Variants in SELENBP1 observed in about 807,000 individuals in gnomAD.
SELENBP1 encodes the protein methanethiol oxidase.
Under a neutral mutation model 61.0 loss-of-function variants are expected in SELENBP1, and 71 were observed. That is an observed-to-expected ratio of 1.16 (90% CI 0.96 to 1.42). The LOEUF (loss-of-function observed/expected upper bound fraction) is 1.42. Among genes scored for constraint, SELENBP1 ranks in the 40% most tolerant of loss-of-function variants. The pLI is 0.00. For synonymous variants in SELENBP1, 270 were observed against 238.9 expected (o/e 1.13, Z -1.20); for missense variants, 561 against 605.0 (o/e 0.93, Z 0.76).
Position 151,369,481 on chromosome 1 carries a change from G to A in SELENBP1, c.135C>T (p.Ala45=). 5 of 1,613,150 alleles carry A rather than the reference G, an allele frequency of 3.1e-6. No homozygotes were observed. Among genetic ancestry groups the A allele is most frequent in the Non-Finnish European group, 4.2e-6 (5 of 1,179,674 alleles). The change falls in exon 3 of 12, where the codon GCC becomes GCT. Residue 45 remains alanine (A), a synonymous_variant. Coordinates refer to ENST00000368868, the MANE Select transcript of SELENBP1 (RefSeq NM_003944.4). ...GAGACTTGGGGTCAACATCCACAGT[G>A]GCCAGATAATCTGGGGCCTCAGTGC... ...NTGTEAPDYL[A]TVDVDPKSPQ...
rs1374172524 is a variant in SELENBP1 at position 151,366,726 on chromosome 1, C to T, written c.660G>A (p.Glu220=). 6.2e-7 allele frequency: 1 copy of T among 1,613,504 alleles called. No individual in the cohort carries two copies. Among genetic ancestry groups the T allele is most frequent in the South Asian group, 1.1e-5 (1 of 91,060 alleles). The stretch of plus-strand genomic sequence containing the variant: ...GGCACATGGGGGGATTCTCACCAGC[C>T]TCCACATCAGCGGGGTTGAAGCCAT... The part of the protein sequence containing the change: ...LRDGFNPADV[E]AGLYGSHLYV... Residue 220 remains glutamate, a synonymous_variant, in exon 6 of 12, where the codon GAG becomes GAA. Transcript: ENST00000368868.
chr1:151,368,575 G>C (rs937643657), intron 4 of SELENBP1, among the ~76,000 whole-genome samples: 1 of 152,182 alleles, frequency 6.6e-6, no homozygotes, highest in Non-Finnish European at 1.5e-5. Flanking sequence ...GAAGGCACAC[G>C]CAGCCCTGTG....
chr1:151,365,699 C>T lies in SELENBP1; in HGVS notation c.923-15G>A, dbSNP rs373440909. 115 of 1,613,968 alleles carry T rather than the reference C, an allele frequency of 7.1e-5. No individual in the cohort carries two copies. In the Admixed American group the frequency reaches 8.0e-4, roughly 11 times the overall value. ...GGTGATCAGGCCTGTGGGCAGGGGGCGAGTAGAGCCTTTAAGGACTCTTGT... is the reference window on the plus strand; with the variant it reads ...GGTGATCAGGCCTGTGGGCAGGGGGTGAGTAGAGCCTTTAAGGACTCTTGT... On this transcript the variant is annotated splice_polypyrimidine_tract_variant and intron_variant, in intron 8 of 11. Coordinates refer to ENST00000368868, the MANE Select transcript of SELENBP1 (RefSeq NM_003944.4).
At chr1:151,367,208 G>C in intron 5 of SELENBP1, 1 of 318,526 alleles carries the variant, frequency 3.1e-6, no homozygotes, top group Non-Finnish European at 5.4e-6. Context: ...CCCAGGCATG[G>C]CGTCACATGC....
In SELENBP1 at chr1:151,369,786, G is replaced by T. The variant is rs1332346942; in HGVS notation, c.5-17C>A. On this transcript the variant is annotated splice_polypyrimidine_tract_variant and intron_variant, in intron 1 of 11. Transcript: ENST00000368868. ...ATTTCGTAGCTGTGGAAGCAATGGG[G>T]CGCATTGGCTGGGCCACGCTCTGGA... The T allele has an allele frequency of 6.4e-7, 1 of 1,551,836 alleles. No individual in the cohort carries two copies. The highest frequency in any genetic ancestry group is 8.7e-7 in the Non-Finnish European group (1 of 1,147,118).
At chr1:151,366,691 G>A (rs1651837545) in intron 6 of SELENBP1, 31 bp downstream of exon 6, 11 of 1,607,370 alleles carry the variant, frequency 6.8e-6, no homozygotes, top group Non-Finnish European at 9.4e-6. Flanking sequence ...GTAGGCCCAA[G>A]GCTCCTGCTG....
intron 1 of SELENBP1, 57 bp downstream of exon 1, chr1:151,372,581 T>G: frequency 6.2e-7 from 1 of 1,612,806 alleles, no homozygotes; most frequent in Non-Finnish European, 8.5e-7. Flanking sequence ...GAGGAGGGCC[T>G]TCCAAATTAG....
intron 6 of SELENBP1, 103 bp downstream of exon 6, chr1:151,366,619 G>T: frequency 6.8e-7 from 1 of 1,467,858 alleles, no homozygotes; most frequent in Non-Finnish European, 9.3e-7. Context: ...ATCTCTCTTA[G>T]ATTCTGGGGC....
chr1:151,365,990 T>C lies in SELENBP1; in HGVS notation c.844-144A>G. On this transcript the variant is annotated intron_variant, in intron 7 of 11. Coordinates refer to ENST00000368868, the MANE Select transcript of SELENBP1 (RefSeq NM_003944.4). ...TTCTTGCCAGCAGGATCTAACTCCA[T>C]GCAAGCCCCTTGAGGCAGGGGTTGT... The C allele has an allele frequency of 2.3e-6, 2 of 880,996 alleles. 1 individual carries two copies. Among genetic ancestry groups the C allele is most frequent in the Non-Finnish European group, 3.5e-6 (2 of 575,954 alleles). 54.6% of individuals were successfully genotyped at this position (880,996 alleles called of 1,614,324 possible).
In SELENBP1 at chr1:151,369,372, G is replaced by C. The variant is rs183513624; in HGVS notation, c.174+70C>G. 1.9e-5 allele frequency: 28 copies of C among 1,470,622 alleles called. No individual in the cohort carries two copies. In the South Asian group the frequency reaches 2.9e-4, roughly 15 times the overall value. The allele number at this position is 1,470,622 out of a possible 1,614,324, so 91.1% of individuals were successfully genotyped here. The stretch of plus-strand genomic sequence containing the variant: ...GGGCCAAGAAGGATGGAGCTGGGAA[G>C]GGGGGGCCCAGGGCCAGGGATGAGG... On this transcript the variant is annotated intron_variant, in intron 3 of 11. Transcript: ENST00000368868.
In SELENBP1 at chr1:151,366,394, G is replaced by A. The variant is rs199615617; in HGVS notation, c.724C>T (p.Leu242=). 3.3e-5 allele frequency: 54 copies of A among 1,613,974 alleles called. No individual in the cohort carries two copies. Among genetic ancestry groups the A allele is most frequent in the Non-Finnish European group, 4.2e-5 (49 of 1,180,038 alleles). Residue 242 remains leucine, a synonymous_variant, in exon 7 of 12, where the codon CTG becomes TTG. Coordinates refer to ENST00000368868, the MANE Select transcript of SELENBP1 (RefSeq NM_003944.4). ...GGAATAAGCCCATCTTTTAGAGACA[G>A]GGTCTGCACAATCTCATGGCGCTGC... is the stretch of plus-strand genomic sequence containing the variant. ...DWQRHEIVQT[L]SLKDGLIPLE... is the part of the protein sequence containing the mutation.
rs537291073 is a variant in SELENBP1 at position 151,369,002 on chromosome 1, G to C, written c.360+2C>G. The C allele has an allele frequency of 2.5e-6, 4 of 1,608,164 alleles. No individual in the cohort carries two copies. Among genetic ancestry groups the C allele is most frequent in the Non-Finnish European group, 3.4e-6 (4 of 1,175,498 alleles). On this transcript the variant is annotated splice_donor_variant, in intron 4 of 11. Transcript: ENST00000368868. LOFTEE classifies it high-confidence loss of function. The stretch of plus-strand genomic sequence containing the variant: ...CTGAGCTGGCAAGGGCAGAGGACAT[G>C]CCTTGTGCAGCTTTGGGGCCCGGGG...
In SELENBP1 at chr1:151,369,422, G is replaced by A. The variant is rs78685108; in HGVS notation, c.174+20C>T. On this transcript the variant is annotated intron_variant, in intron 3 of 11. Coordinates refer to ENST00000368868, the MANE Select transcript of SELENBP1 (RefSeq NM_003944.4). ...GGCAGCTATGGTCTCAAAGTAGCTG[G>A]CGCCCAAGCCCCGCCTAACCTGGCA... The A allele has an allele frequency of 9.7e-4, 1,544 of 1,596,356 alleles. 16 individuals carry two copies. The African/African-American group carries it at 0.019, about 19-fold the overall frequency.
intron 1 of SELENBP1, 145 bp from the exon 2 acceptor site, chr1:151,369,914 C>A: frequency 6.5e-7 from 1 of 1,535,868 alleles, no homozygotes; most frequent in Non-Finnish European, 8.8e-7. Context: ...CTGGCCTGTC[C>A]TCTCCGCCCC....
At chr1:151,372,407 G>A (rs1652182718) in intron 1 of SELENBP1, among the ~76,000 whole-genome samples, 1 of 152,058 alleles carries the variant, frequency 6.6e-6, no homozygotes, top group Non-Finnish European at 1.5e-5. Context: ...CAGGGCCCAG[G>A]ATCCCATCTC....
At chr1:151,369,887 A>G (rs1311807384) in intron 1 of SELENBP1, 118 bp from the exon 2 acceptor site, 2 of 1,549,586 alleles carry the variant, frequency 1.3e-6, no homozygotes, top group South Asian at 2.4e-5. Flanking sequence ...CTAGGTCCCC[A>G]CTCCAGCCTC....
At chr1:151,368,908 G>T in intron 4 of SELENBP1, 96 bp downstream of exon 4, 1 of 1,311,790 alleles carries the variant, frequency 7.6e-7, no homozygotes, top group South Asian at 1.4e-5. Context: ...CGTAAGAGCT[G>T]GAGGCTGCTG....
At chr1:151,366,070 C>G in intron 7 of SELENBP1, 1 of 748,518 alleles carries the variant, frequency 1.3e-6, no homozygotes. Context: ...CACAGACATT[C>G]ACTAAGTAGT....
intron 9 of SELENBP1, 127 bp downstream of exon 9, chr1:151,365,436 C>G: frequency 6.6e-7 from 1 of 1,526,334 alleles, no homozygotes; most frequent in African/African-American, 1.4e-5. Context: ...TGCTGTCCCA[C>G]AGCACACATG....
Sources: allele counts gnomAD v4.1 joint callset (sites outside exome capture counted in the v4.1 genomes callset), GRCh38; gene constraint gnomAD v4.1.1; transcripts MANE v1.5; gene names NCBI Gene and HGNC (gene_info 2026-07-23, HGNC 2026-07-21).